Variants in SEC23A observed in about 807,000 individuals in gnomAD.
SEC23A encodes the protein SEC23 homolog A, COPII component.
In SEC23A, 56 loss-of-function variants were observed where a neutral mutation model predicts 103.7. The ratio of observed to expected loss-of-function variants is 0.54; its 90% confidence interval spans 0.44 to 0.67. The LOEUF (loss-of-function observed/expected upper bound fraction) is 0.67. Among genes scored for constraint, SEC23A ranks in the 30% least tolerant of loss-of-function variants. The probability of loss-of-function intolerance (pLI) is 0.00; values close to 1 mark genes in which losing one functional copy is unlikely to be tolerated. For missense variants in SEC23A, 784 were observed against 936.4 expected, an observed-to-expected ratio of 0.84 and a Z score of 2.12; for synonymous variants, 281 against 293.0, an observed-to-expected ratio of 0.96 and a Z score of 0.42.
chr14:39,063,278 C>A, intron 12 of SEC23A, 46 bp downstream of exon 12: 1 of 1,142,492 alleles, frequency 8.8e-7, no homozygotes, highest in South Asian at 1.2e-5. Context: ...AGTACTTATT[C>A]AAATGTACGT....
In SEC23A at chr14:39,040,831, G is replaced by A; in HGVS notation, c.2043C>T (p.Phe681=). 6.2e-7 allele frequency: 1 copy of A among 1,614,160 alleles called. No homozygotes were observed. Among genetic ancestry groups the A allele is most frequent in the Non-Finnish European group, 8.5e-7 (1 of 1,180,024 alleles). ...GYQDMPEYEN[F]RHLLQAPVDD... ...CCACTGGGGCTTGCAGAAGGTGGCGGAAATTTTCATACTCAGGCATATCCT... is the reference window on the plus strand; with the variant it reads ...CCACTGGGGCTTGCAGAAGGTGGCGAAAATTTTCATACTCAGGCATATCCT... Residue 681 remains phenylalanine (F), a synonymous_variant, in exon 18 of 20, where the codon TTC becomes TTT. Transcript: ENST00000307712.
chr14:39,102,493 C>T (rs188308648), intron 1 of SEC23A, among the ~76,000 whole-genome samples: 2 of 152,314 alleles, frequency 1.3e-5, no homozygotes, highest in East Asian at 3.9e-4. Flanking sequence ...AATCGGGAAA[C>T]ACTACCTACC....
chr14:39,047,422 T>G (rs994641621), intron 15 of SEC23A: 1 of 1,288,494 alleles, frequency 7.8e-7, no homozygotes, highest in Non-Finnish European at 1.0e-6. Flanking sequence ...ACCAGAGGTT[T>G]TAGGGAAGTC....
chr14:39,035,324 C>G (rs1202915012), intron 19 of SEC23A, among the ~76,000 whole-genome samples: 1 of 152,176 alleles, frequency 6.6e-6, no homozygotes, highest in Non-Finnish European at 1.5e-5. Flanking sequence ...TTATTTATGC[C>G]TGTAATGCCC....
At chr14:39,059,691 T>C (rs1886400979) in intron 13 of SEC23A, among the ~76,000 whole-genome samples, 1 of 152,206 alleles carries the variant, frequency 6.6e-6, no homozygotes, top group Admixed American at 6.5e-5. Flanking sequence ...CTAGATTAAG[T>C]TGGAGATATT....
intron 7 of SEC23A, among the ~76,000 whole-genome samples, chr14:39,083,711 T>C (rs1468208868): frequency 1.3e-5 from 2 of 151,138 alleles, no homozygotes; most frequent in African/African-American, 2.4e-5. Context: ...TACAGGCGCC[T>C]GCCACCACAC....
At chr14:39,068,324 G>A (rs1476852986) in intron 9 of SEC23A, among the ~76,000 whole-genome samples, 1 of 152,090 alleles carries the variant, frequency 6.6e-6, no homozygotes, top group African/African-American at 2.4e-5. Flanking sequence ...AGAGTAACTT[G>A]ATAATATCTA....
At chr14:39,084,164 G>A (rs1482569433) in intron 7 of SEC23A, among the ~76,000 whole-genome samples, 3 of 151,558 alleles carry the variant, frequency 2.0e-5, no homozygotes, top group African/African-American at 4.8e-5. Flanking sequence ...TGGGATTACA[G>A]GCATGCGCCA....
intron 7 of SEC23A, among the ~76,000 whole-genome samples, chr14:39,079,588 G>C (rs1270722229): frequency 1.3e-5 from 2 of 152,148 alleles, no homozygotes; most frequent in African/African-American, 4.8e-5. Flanking sequence ...GGGAGGATGA[G>C]GTGGGCGGAT....
At chr14:39,033,421 G>GAAATAGAA (rs1487562898) in intron 19 of SEC23A, 93 bp from the exon 20 acceptor site, 27 of 762,558 alleles carry the variant, frequency 3.5e-5, no homozygotes, top group Admixed American at 7.4e-5. Flanking sequence ...GAAATCATTT[G>GAAATAGAA]AAATGCCTAT....
At chr14:39,082,960 C>G (rs537568177) in intron 7 of SEC23A, among the ~76,000 whole-genome samples, 4 of 152,300 alleles carry the variant, frequency 2.6e-5, no homozygotes, top group African/African-American at 7.2e-5. Context: ...GAACTAAATC[C>G]TTTCAGTAAA....
chr14:39,045,314 T>G lies in SEC23A; in HGVS notation c.1748A>C (p.His583Pro). 1.2e-6 allele frequency: 2 copies of G among 1,607,184 alleles called. No homozygotes were observed. Among genetic ancestry groups the G allele is most frequent in the Non-Finnish European group, 1.7e-6 (2 of 1,174,044 alleles). ...TTGCAGGAAAGAAGATCTTCTTAAA[T>G]GAAACATAAACTGTAAGATAAACAC... ...TFSLYPQFMF[H>P]LRRSSFLQVF... The change falls in exon 16 of 20, where the codon CAT becomes CCT. Residue 583 changes from histidine to proline, a missense_variant. His to Pro is a moderately conservative substitution (Grantham distance 77, BLOSUM62 -2). This residue lies in a region of SEC23A where 683 missense variants were observed against 774.2 expected (regional missense o/e 0.88). Transcript: ENST00000307712.
chr14:39,042,769 T>G lies in SEC23A; in HGVS notation c.1986+17A>C, dbSNP rs1268952319. Reference sequence around the variant, plus strand: ...AAGACTTTACATGCATAGCTTTAAATGCTATTGAAATCTTACCTCACCATG... The same window carrying G: ...AAGACTTTACATGCATAGCTTTAAAGGCTATTGAAATCTTACCTCACCATG... On this transcript the variant is annotated intron_variant, in intron 17 of 19. Coordinates refer to ENST00000307712, the MANE Select transcript of SEC23A (RefSeq NM_006364.4). The G allele has an allele frequency of 6.6e-7, 1 of 1,504,064 alleles. No homozygotes were observed. Among genetic ancestry groups the G allele is most frequent in the Admixed American group, 1.7e-5 (1 of 59,854 alleles). 93.2% of individuals were successfully genotyped at this position (1,504,064 alleles called of 1,614,324 possible). A position where few individuals can be genotyped will look rare whatever the true frequency, so the allele number is the denominator to read the frequency against.
intron 12 of SEC23A, among the ~76,000 whole-genome samples, chr14:39,062,654 G>A (rs959162773): frequency 6.6e-6 from 1 of 151,924 alleles, no homozygotes; most frequent in Admixed American, 6.6e-5. Flanking sequence ...AGACATTCTT[G>A]CTTTGTTTTT....
At chr14:39,094,227 T>TATATATATGCATATATACACATAC (rs1887762193) in intron 2 of SEC23A, among the ~76,000 whole-genome samples, 2 of 83,432 alleles carry the variant, frequency 2.4e-5, no homozygotes, top group African/African-American at 4.1e-5. Flanking sequence ...TACACATACA[T>TATATATATGCATATATACACATAC]ATATATATAT....
chr14:39,047,361 A>C, intron 15 of SEC23A: 2 of 1,282,148 alleles, frequency 1.6e-6, no homozygotes, highest in Non-Finnish European at 2.0e-6. Context: ...AAAGAATTTT[A>C]CATGCCTTAA....
intron 8 of SEC23A, 96 bp from the exon 9 acceptor site, chr14:39,074,626 A>G: frequency 1.4e-6 from 1 of 707,184 alleles, no homozygotes. Context: ...CTAAAAGAGT[A>G]ACTCATAATT....
chr14:39,064,827 G>C (rs1886601909), intron 11 of SEC23A, 86 bp downstream of exon 11: 1 of 955,678 alleles, frequency 1.0e-6, no homozygotes, highest in Admixed American at 1.7e-5. Flanking sequence ...CAATCCTCCT[G>C]CCTCAGCTTC....
intron 14 of SEC23A, among the ~76,000 whole-genome samples, chr14:39,052,876 C>T (rs1886116685): frequency 6.6e-6 from 1 of 152,224 alleles, no homozygotes; most frequent in Non-Finnish European, 1.5e-5. Context: ...TAGCTCACGC[C>T]TGTAATCCCA....
Sources: allele counts gnomAD v4.1 joint callset (sites outside exome capture counted in the v4.1 genomes callset), GRCh38; gene constraint gnomAD v4.1.1; regional missense constraint gnomAD v4.1.1; transcripts MANE v1.5; gene names NCBI Gene and HGNC (gene_info 2026-07-23, HGNC 2026-07-21).